XIAP: variants seen among roughly 807,000 people sequenced by gnomAD.
The protein encoded by XIAP is X-linked inhibitor of apoptosis.
A neutral mutation model predicts 33.1 loss-of-function variants in XIAP; 3 were observed. That is an observed-to-expected ratio of 0.09 (90% CI 0.04 to 0.23). The LOEUF is 0.23. XIAP is among the 10% of genes least tolerant of loss of function. The pLI is 1.00. For missense variants in XIAP, 264 were observed against 363.0 expected (o/e 0.73, Z 2.22); for synonymous variants, 98 against 121.3 (o/e 0.81, Z 1.26).
Position 123,886,402 on chromosome X carries a change from A to G in XIAP, c.740A>G (p.Asp247Gly), listed in dbSNP as rs766348523. Residue 247 changes from aspartate (D) to glycine (G), a missense_variant, in exon 2 of 7, where the codon GAT (aspartate) becomes GGT (glycine). Coordinates refer to ENST00000371199, the MANE Select transcript of XIAP (RefSeq NM_001167.4). ...AGTGAATCTGATGCTGTGAGTTCTGATAGGAATTTCCCAAATTCAACAAAT... is the reference window on the plus strand; with the variant it reads ...AGTGAATCTGATGCTGTGAGTTCTGGTAGGAATTTCCCAAATTCAACAAAT... ...IRSESDAVSS[D>G]RNFPNSTNLP... 8.3e-7 allele frequency: 1 copy of G among 1,211,922 alleles called. No individual in the cohort carries two copies. The highest frequency in any genetic ancestry group is 1.1e-6 in the Non-Finnish European group (1 of 895,637).
intron 6 of XIAP, among the ~76,000 whole-genome samples, chrX:123,900,997 A>G (rs184991109): frequency 1.5e-3 from 172 of 111,336 alleles, no homozygotes; most frequent in African/African-American, 5.3e-3. Flanking sequence ...CTCACATGGC[A>G]TGGGTTGGGA....
At chrX:123,870,085 T>C (rs1213534597) in intron 1 of XIAP, among the ~76,000 whole-genome samples, 6 of 112,430 alleles carry the variant, frequency 5.3e-5, no homozygotes, top group African/African-American at 1.6e-4. Flanking sequence ...TCAGCCTCCT[T>C]AGTAGCTGGG....
chrX:123,898,013 C>T (rs903966231), intron 5 of XIAP, among the ~76,000 whole-genome samples: 50 of 112,323 alleles, frequency 4.5e-4, no homozygotes, highest in African/African-American at 1.6e-3. Flanking sequence ...TAGTTGCCCT[C>T]TGGACATTTC....
chrX:123,865,922 T>G, intron 1 of XIAP, among the ~76,000 whole-genome samples: 1 of 97,859 alleles, frequency 1.0e-5, no homozygotes, highest in East Asian at 3.1e-4. Flanking sequence ...ACCTGGCTAA[T>G]TTTTTTTTTT....
chrX:123,886,664 AT>A, intron 2 of XIAP, 125 bp downstream of exon 2: 2 of 724,699 alleles, frequency 2.8e-6, no homozygotes, highest in Non-Finnish European at 4.0e-6. Context: ...GATTATATAT[AT>A]ATCTGTATTA....
intron 6 of XIAP, among the ~76,000 whole-genome samples, chrX:123,904,226 C>T (rs1321918323): frequency 3.6e-5 from 4 of 111,350 alleles, no homozygotes; most frequent in East Asian, 5.7e-4. Flanking sequence ...CGTGAGCCAC[C>T]GCGCCCAGCC....
intron 5 of XIAP, among the ~76,000 whole-genome samples, chrX:123,896,748 T>C (rs1186538305): frequency 1.9e-5 from 2 of 103,700 alleles, no homozygotes; most frequent in African/African-American, 7.1e-5. Flanking sequence ...GGCTGGCTAA[T>C]TTTTTTTGTA....
intron 5 of XIAP, among the ~76,000 whole-genome samples, chrX:123,898,860 C>T (rs2053483882): frequency 9.6e-6 from 1 of 104,484 alleles, no homozygotes; most frequent in Non-Finnish European, 2.0e-5. Context: ...GTGGCTCACG[C>T]CTGTAATCCC....
intron 2 of XIAP, among the ~76,000 whole-genome samples, chrX:123,887,291 G>A (rs6649114): frequency 1.8e-5 from 2 of 110,949 alleles, no homozygotes; most frequent in East Asian, 2.9e-4. Context: ...CTTGTGATCC[G>A]CCCGCCTTGG....
intron 4 of XIAP, among the ~76,000 whole-genome samples, chrX:123,892,431 G>C (rs770691790): frequency 8.1e-5 from 9 of 111,141 alleles, no homozygotes; most frequent in Admixed American, 3.9e-4. Flanking sequence ...CAAGGCATCA[G>C]TAATAGGTGG....
chrX:123,894,909 A>G lies in XIAP; in HGVS notation c.1099+2136A>G, dbSNP rs185261341. On this transcript the variant is annotated intron_variant, in intron 5 of 6. Coordinates refer to ENST00000371199, the MANE Select transcript of XIAP (RefSeq NM_001167.4). ...CTGTGAGCTGAGATCATGCTACTGCACTCCAGCCTGGGTGATGGACCGAGA... is the reference window on the plus strand; with the variant it reads ...CTGTGAGCTGAGATCATGCTACTGCGCTCCAGCCTGGGTGATGGACCGAGA... 2.7e-5 allele frequency among the ~76,000 whole-genome samples: 3 copies of G among 110,388 alleles called. No individual in the cohort carries two copies. In the Admixed American group the frequency reaches 3.0e-4, roughly 11 times the overall value.
At chrX:123,865,956 G>A (rs1450211793) in intron 1 of XIAP, among the ~76,000 whole-genome samples, 1 of 99,248 alleles carries the variant, frequency 1.0e-5, no homozygotes, top group Non-Finnish European at 2.0e-5. Flanking sequence ...TTTTCCCCTC[G>A]GAGACAGAGT....
chrX:123,874,495 T>C (rs1480021219), intron 1 of XIAP: 1 of 111,305 alleles, frequency 9.0e-6, no homozygotes, highest in Non-Finnish European at 1.9e-5. Context: ...AAAATTGGAA[T>C]GATACAGAGA....
intron 1 of XIAP, among the ~76,000 whole-genome samples, chrX:123,881,987 T>A (rs1426730625): frequency 9.0e-6 from 1 of 111,403 alleles, no homozygotes; most frequent in African/African-American, 3.3e-5. Context: ...ACTCCTGACC[T>A]CAAGTGATCC....
chrX:123,881,101 T>A (rs2053300014), intron 1 of XIAP, among the ~76,000 whole-genome samples: 1 of 110,799 alleles, frequency 9.0e-6, no homozygotes, highest in Non-Finnish European at 1.9e-5. Context: ...AGCCCCTTTA[T>A]ACCAAAAGCT....
At chrX:123,881,026 C>T (rs926311367) in intron 1 of XIAP, among the ~76,000 whole-genome samples, 2 of 110,848 alleles carry the variant, frequency 1.8e-5, no homozygotes, top group African/African-American at 6.5e-5. Context: ...TCCTTTTTGT[C>T]CCATTTTTTG....
At chrX:123,893,853 A>C (rs757839219) in intron 5 of XIAP, among the ~76,000 whole-genome samples, 2 of 112,388 alleles carry the variant, frequency 1.8e-5, no homozygotes, top group Non-Finnish European at 3.8e-5. Context: ...AAAGAAAATA[A>C]AAGAAAAAAA....
intron 1 of XIAP, among the ~76,000 whole-genome samples, chrX:123,867,049 C>CCCCCCA (rs35471589): frequency 1.3e-4 from 7 of 55,100 alleles, no homozygotes; most frequent in Non-Finnish European, 1.4e-4. Flanking sequence ...CCCCCCCCCC[C>CCCCCCA]TTCAACATTC....
At chrX:123,873,488 T>TC in intron 1 of XIAP, among the ~76,000 whole-genome samples, 1 of 108,758 alleles carries the variant, frequency 9.2e-6, no homozygotes, top group African/African-American at 3.3e-5. Context: ...CTCTCTCTCT[T>TC]TTTTGAAACC....
Sources: gnomAD v4.1 joint callset for allele counts (sites outside exome capture counted in the v4.1 genomes callset) on GRCh38, gnomAD v4.1.1 for gene constraint, MANE v1.5 for transcripts, NCBI Gene and HGNC (gene_info 2026-07-23, HGNC 2026-07-21) for gene names.